The following PSMA1 variants were observed in gnomAD, a reference collection of about 807,000 sequenced individuals.
PSMA1 encodes the protein proteasome 20S subunit alpha 1.
PSMA1 carries 3 observed loss-of-function variants against 38.4 expected under a neutral mutation model. That is an observed-to-expected ratio of 0.08 (90% CI 0.04 to 0.20). The LOEUF is 0.20. Among genes scored for constraint, PSMA1 ranks in the 10% least tolerant of loss-of-function variants. The probability of loss-of-function intolerance (pLI) is 1.00; values close to 1 mark genes in which losing one functional copy is unlikely to be tolerated. For missense variants in PSMA1, 227 were observed against 325.3 expected (o/e 0.70, Z 2.32); for synonymous variants, 101 against 107.1 (o/e 0.94, Z 0.35).
chr11:14,615,094 G>A (rs1468923371), intron 1 of PSMA1, among the ~76,000 whole-genome samples: 1 of 152,198 alleles, frequency 6.6e-6, no homozygotes, highest in East Asian at 1.9e-4. Flanking sequence ...GCCCATGCAA[G>A]TTCTTTTGTA....
intron 2 of PSMA1, among the ~76,000 whole-genome samples, chr11:14,564,961 G>A (rs1852053057): frequency 6.6e-6 from 1 of 151,812 alleles, no homozygotes; most frequent in Admixed American, 6.6e-5. Flanking sequence ...AAATTTTTTT[G>A]TAGAGATGGG....
chr11:14,554,320 G>A (rs1232060924), intron 2 of PSMA1, among the ~76,000 whole-genome samples: 1 of 152,072 alleles, frequency 6.6e-6, no homozygotes, highest in Non-Finnish European at 1.5e-5. Flanking sequence ...TAAGTTTGAT[G>A]AAGTCTAATT....
chr11:14,595,541 T>C (rs556075053), intron 2 of PSMA1, among the ~76,000 whole-genome samples: 1 of 152,376 alleles, frequency 6.6e-6, no homozygotes, highest in East Asian at 1.9e-4. Flanking sequence ...GTTGGCTGCA[T>C]AGATGTCTTC....
chr11:14,639,512 G>A (rs1200985288), intron 1 of PSMA1, among the ~76,000 whole-genome samples: 1 of 152,236 alleles, frequency 6.6e-6, no homozygotes, highest in Non-Finnish European at 1.5e-5. Context: ...TAGGCATGAA[G>A]ATTGAGCTAA....
intron 2 of PSMA1, among the ~76,000 whole-genome samples, chr11:14,600,981 A>C (rs1241435741): frequency 2.6e-5 from 4 of 152,162 alleles, no homozygotes; most frequent in African/African-American, 9.7e-5. Context: ...TTTTAAAACC[A>C]AATATCTTGG....
chr11:14,508,925 AC>A (rs1851295465), intron 8 of PSMA1, among the ~76,000 whole-genome samples: 1 of 82,864 alleles, frequency 1.2e-5, no homozygotes, highest in Non-Finnish European at 2.4e-5. Context: ...TTTTGCCAAC[AC>A]CTAACTCATC....
intron 2 of PSMA1, among the ~76,000 whole-genome samples, chr11:14,576,774 G>T (rs1427650913): frequency 1.3e-5 from 2 of 152,142 alleles, no homozygotes; most frequent in African/African-American, 2.4e-5. Context: ...CTCTGTTTTG[G>T]TTCCACGTGA....
chr11:14,506,330 A>G (rs942831819), intron 9 of PSMA1, among the ~76,000 whole-genome samples: 2 of 152,170 alleles, frequency 1.3e-5, no homozygotes, highest in African/African-American at 4.8e-5. Context: ...CTTTTTAGAC[A>G]TTCTTTTCCC....
intron 1 of PSMA1, among the ~76,000 whole-genome samples, chr11:14,625,196 C>T (rs1274196659): frequency 1.3e-5 from 2 of 152,188 alleles, no homozygotes; most frequent in African/African-American, 2.4e-5. Context: ...TGCCTGTAAT[C>T]CCAGCATTTT....
intron 1 of PSMA1, among the ~76,000 whole-genome samples, chr11:14,641,984 T>C (rs1853209511): frequency 6.6e-6 from 1 of 152,226 alleles, no homozygotes; most frequent in African/African-American, 2.4e-5. Context: ...TGGCAGAGTA[T>C]GAATGGCTAG....
intron 2 of PSMA1, among the ~76,000 whole-genome samples, chr11:14,573,108 C>T (rs1459039089): frequency 6.6e-6 from 1 of 152,196 alleles, no homozygotes; most frequent in South Asian, 2.1e-4. Flanking sequence ...TGGTACCATT[C>T]CTTCTGAAAC....
chr11:14,613,115 A>T (rs1283836587), intron 1 of PSMA1, among the ~76,000 whole-genome samples: 1 of 152,148 alleles, frequency 6.6e-6, no homozygotes, highest in Non-Finnish European at 1.5e-5. Flanking sequence ...TAACAAATAA[A>T]GTCTGTAATA....
intron 2 of PSMA1, among the ~76,000 whole-genome samples, chr11:14,579,558 C>CT (rs1852259084): frequency 6.8e-6 from 1 of 146,392 alleles, no homozygotes; most frequent in African/African-American, 2.5e-5. Context: ...TGGACACATC[C>CT]TTTTTGGGGC....
At chr11:14,505,799 G>A (rs376332129) in intron 9 of PSMA1, among the ~76,000 whole-genome samples, 2 of 152,210 alleles carry the variant, frequency 1.3e-5, no homozygotes, top group African/African-American at 2.4e-5. Flanking sequence ...AAGCCCAGGA[G>A]TTTGAAACTG....
At position 14,508,561 on chromosome 11, in the gene PSMA1, C is replaced by CAAAA. The variant is rs60499933; in HGVS notation, c.625-799_625-796dup. On this transcript the variant is annotated intron_variant, in intron 8 of 9. Coordinates refer to ENST00000396394, the MANE Select transcript of PSMA1 (RefSeq NM_002786.4). ...TCCTCTTCCAGTCACCACTCCATCT[C>CAAAA]AAAAAAAAAAAAAAAACCCAGATTG... Among the ~76,000 whole-genome samples the CAAAA allele has an allele frequency of 1.1e-4, 5 of 47,120 alleles. No homozygotes were observed. The South Asian group carries it at 4.0e-3, about 38-fold the overall frequency. 30.9% of individuals were successfully genotyped at this position (47,120 alleles called of 152,430 possible). A position where few individuals can be genotyped will look rare whatever the true frequency, so the allele number is the denominator to read the frequency against.
intron 2 of PSMA1, among the ~76,000 whole-genome samples, chr11:14,537,308 ATT>A (rs755275283): frequency 6.6e-6 from 1 of 152,122 alleles, no homozygotes; most frequent in Non-Finnish European, 1.5e-5. Context: ...AAATACGTGC[ATT>A]TTCTCTTCTT....
intron 1 of PSMA1, among the ~76,000 whole-genome samples, chr11:14,616,485 G>A (rs1852775470): frequency 6.6e-6 from 1 of 152,042 alleles, no homozygotes; most frequent in African/African-American, 2.4e-5. Context: ...GCCTGCCTCG[G>A]CCTTCCAAAG....
intron 2 of PSMA1, among the ~76,000 whole-genome samples, chr11:14,595,955 A>G (rs950578258): frequency 3.9e-5 from 6 of 152,284 alleles, no homozygotes; most frequent in Non-Finnish European, 5.9e-5. Context: ...TCAGCTTTCT[A>G]TATATGGCTA....
rs57094424 is a variant in PSMA1 at position 14,546,150 on chromosome 11, CTTT to C, written c.22-27112_22-27110del. On this transcript the variant is annotated intron_variant, in intron 2 of 10. Coordinates refer to the PSMA1 transcript ENST00000418988. ...TCTACCTTTCTCTCTCTCTCTCTCT[CTTT>C]TTTTTTTTTTTAGTAAAGGGGATTA... Among the ~76,000 whole-genome samples the C allele has an allele frequency of 4.0e-3, 567 of 140,498 alleles. 13 individuals carry two copies. Among genetic ancestry groups the C allele is most frequent in the Non-Finnish European group, 2.0e-3 (126 of 64,534 alleles). The allele number at this position is 140,498 out of a possible 152,430, so 92.2% of individuals were successfully genotyped here.
Sources: gnomAD v4.1 joint callset for allele counts (sites outside exome capture counted in the v4.1 genomes callset) on GRCh38, gnomAD v4.1.1 for gene constraint, MANE v1.5 for transcripts, NCBI Gene and HGNC (gene_info 2026-07-23, HGNC 2026-07-21) for gene names.